Variants in BCAS4 observed in about 807,000 individuals in gnomAD.
BCAS4 encodes breast carcinoma-amplified sequence 4.
Under a neutral mutation model 15.7 loss-of-function variants are expected in BCAS4, and 9 were observed. The observed-to-expected ratio is 0.57, with a 90% CI of 0.34 to 1.00. The LOEUF is 1.00. Among genes scored for constraint, BCAS4 ranks in the 50% least tolerant of loss-of-function variants. The probability of loss-of-function intolerance (pLI) is 0.02; values close to 1 mark genes in which losing one functional copy is unlikely to be tolerated. For synonymous variants in BCAS4, 101 were observed against 99.5 expected (o/e 1.02, Z -0.09); for missense variants, 225 against 239.1 (o/e 0.94, Z 0.39).
intron 2 of BCAS4, among the ~76,000 whole-genome samples, chr20:50,819,139 C>T (rs187919462): frequency 1.7e-4 from 26 of 151,768 alleles, no homozygotes; most frequent in Non-Finnish European, 3.2e-4. Context: ...GCTGAGATTG[C>T]GCCACTGCAC....
chr20:50,863,954 C>T (rs1979226575), intron 4 of BCAS4, among the ~76,000 whole-genome samples: 2 of 152,216 alleles, frequency 1.3e-5, no homozygotes, highest in African/African-American at 2.4e-5. Flanking sequence ...TGTGCCCCCC[C>T]AAATTCTACC....
At chr20:50,829,438 T>TCACC (rs1195304470) in intron 2 of BCAS4, among the ~76,000 whole-genome samples, 1 of 152,072 alleles carries the variant, frequency 6.6e-6, no homozygotes, top group Non-Finnish European at 1.5e-5. Flanking sequence ...AGACGGGGTT[T>TCACC]CACCATGTTG....
intron 4 of BCAS4, among the ~76,000 whole-genome samples, chr20:50,863,686 G>A (rs1441551735): frequency 6.6e-6 from 1 of 152,208 alleles, no homozygotes; most frequent in Non-Finnish European, 1.5e-5. Context: ...TGTGACAGCA[G>A]TTGGTGGCCG....
intron 3 of BCAS4, among the ~76,000 whole-genome samples, chr20:50,830,671 G>A (rs540177647): frequency 1.3e-5 from 2 of 152,226 alleles, no homozygotes; most frequent in African/African-American, 2.4e-5. Context: ...GCAACATGGC[G>A]AAACCCCATC....
chr20:50,804,177 T>C (rs1242093058), intron 1 of BCAS4, among the ~76,000 whole-genome samples: 1 of 152,168 alleles, frequency 6.6e-6, no homozygotes, highest in African/African-American at 2.4e-5. Context: ...TAGCTGGGAT[T>C]ACAGGCGCCT....
intron 4 of BCAS4, among the ~76,000 whole-genome samples, chr20:50,861,639 C>T (rs1216137760): frequency 1.3e-5 from 2 of 152,046 alleles, no homozygotes; most frequent in African/African-American, 2.4e-5. Flanking sequence ...CTTGCTTGGG[C>T]GCAGAGAGTC....
intron 3 of BCAS4, chr20:50,840,851 C>T (rs577417623): frequency 3.3e-5 from 29 of 885,838 alleles, no homozygotes; most frequent in East Asian, 1.5e-4. Context: ...TTTTTTGAGA[C>T]GGAGTTTCAC....
At chr20:50,841,921 A>G (rs2088487761) in intron 4 of BCAS4, 21 bp downstream of exon 4, 1 of 1,542,080 alleles carries the variant, frequency 6.5e-7, no homozygotes, top group Admixed American at 2.0e-5. Context: ...TGCCCCGAGA[A>G]GTGAGGGGAG....
rs1200093575 is a variant in BCAS4, at chr20:50,857,140, C to CT, written c.399+15248dup. On this transcript the variant is annotated intron_variant, in intron 4 of 4. Transcript: ENST00000371608. Reference sequence around the variant, plus strand: ...TCACTCATTGAGCAGTATTTTCTTCCTTTTTTTTGAGACAGAGTTTCGCTC... The same window carrying CT: ...TCACTCATTGAGCAGTATTTTCTTCCTTTTTTTTTGAGACAGAGTTTCGCTC... Among the ~76,000 whole-genome samples, 35 of 152,036 alleles carry CT rather than the reference C, an allele frequency of 2.3e-4. No individual in the cohort carries two copies. In the East Asian group the frequency reaches 3.3e-3, roughly 14 times the overall value.
intron 2 of BCAS4, among the ~76,000 whole-genome samples, chr20:50,825,174 G>A (rs773207397): frequency 3.3e-5 from 5 of 152,212 alleles, no homozygotes; most frequent in Non-Finnish European, 4.4e-5. Flanking sequence ...TTCATGGAGT[G>A]TGCTCTGTTG....
At chr20:50,866,727 G>T (rs894232993) in intron 4 of BCAS4, among the ~76,000 whole-genome samples, 3 of 152,106 alleles carry the variant, frequency 2.0e-5, no homozygotes. Flanking sequence ...ACACAGCTCC[G>T]GGGGTGCCTG....
At chr20:50,850,461 G>A (rs1300043650) in intron 4 of BCAS4, among the ~76,000 whole-genome samples, 1 of 152,198 alleles carries the variant, frequency 6.6e-6, no homozygotes, top group Non-Finnish European at 1.5e-5. Context: ...GCAAACTCGA[G>A]ATCTTTGGGC....
intron 4 of BCAS4, among the ~76,000 whole-genome samples, chr20:50,848,731 GC>G (rs1157461850): frequency 6.6e-6 from 1 of 152,256 alleles, no homozygotes; most frequent in Non-Finnish European, 1.5e-5. Flanking sequence ...GCACGTGGGT[GC>G]CCTCCAGGCT....
At chr20:50,861,914 C>G (rs1457658513) in intron 4 of BCAS4, among the ~76,000 whole-genome samples, 4 of 125,124 alleles carry the variant, frequency 3.2e-5, no homozygotes, top group Non-Finnish European at 6.3e-5. Flanking sequence ...AGTGGAGTGA[C>G]ATAATCATGG....
intron 3 of BCAS4, among the ~76,000 whole-genome samples, chr20:50,834,790 T>C (rs1415460405): frequency 6.6e-6 from 1 of 152,242 alleles, no homozygotes; most frequent in African/African-American, 2.4e-5. Flanking sequence ...CATTTCATGC[T>C]AATGGAATCA....
At chr20:50,833,415 T>C (rs555011390) in intron 3 of BCAS4, among the ~76,000 whole-genome samples, 1 of 152,352 alleles carries the variant, frequency 6.6e-6, no homozygotes, top group South Asian at 2.1e-4. Flanking sequence ...CCAGTGCTGC[T>C]GACCTGGAAA....
At chr20:50,876,025 G>A (rs7273412) in intron 4 of BCAS4, 5,595 of 455,884 alleles carry the variant, frequency 0.012, 218 homozygotes, top group African/African-American at 0.089. Context: ...ATCCCAGCTC[G>A]CTGCAACCTC....
chr20:50,841,676 G>C (rs2088482988), intron 3 of BCAS4, 90 bp from the exon 4 acceptor site: 1 of 1,573,880 alleles, frequency 6.4e-7, no homozygotes. Context: ...GTGATGAAAG[G>C]CCTGGAGTCC....
At chr20:50,804,131 C>T (rs774173407) in intron 1 of BCAS4, among the ~76,000 whole-genome samples, 1 of 152,110 alleles carries the variant, frequency 6.6e-6, no homozygotes, top group Admixed American at 6.6e-5. Flanking sequence ...CTCTGCCTCC[C>T]GGGTTCAAGC....
Sources: allele counts gnomAD v4.1 joint callset (sites outside exome capture counted in the v4.1 genomes callset), GRCh38; gene constraint gnomAD v4.1.1; transcripts MANE v1.5; gene names NCBI Gene and HGNC (gene_info 2026-07-23, HGNC 2026-07-21).